BTLA: variants seen among roughly 807,000 people sequenced by gnomAD.
The protein encoded by BTLA is B- and T-lymphocyte attenuator.
Under a neutral mutation model 25.0 loss-of-function variants are expected in BTLA, and 11 were observed. The ratio of observed to expected loss-of-function variants is 0.44; its 90% confidence interval spans 0.28 to 0.73. The LOEUF (loss-of-function observed/expected upper bound fraction) is 0.73. BTLA is among the 30% of genes least tolerant of loss of function. The probability of loss-of-function intolerance (pLI) is 0.15; values close to 1 mark genes in which losing one functional copy is unlikely to be tolerated. For synonymous variants in BTLA, 104 were observed against 119.8 expected (o/e 0.87, Z 0.86); for missense variants, 282 against 332.8 (o/e 0.85, Z 1.19).
intron 4 of BTLA, among the ~76,000 whole-genome samples, chr3:112,468,075 A>G (rs2082239894): frequency 6.6e-6 from 1 of 152,250 alleles, no homozygotes; most frequent in Non-Finnish European, 1.5e-5. Context: ...TGTGGTGGAT[A>G]GAGATGATAA....
chr3:112,464,008 C>T lies in BTLA; in HGVS notation c.*2100G>A, dbSNP rs11717657. The T allele has an allele frequency of 8.4e-3, 3,298 of 394,344 alleles. 23 individuals carry two copies. Among genetic ancestry groups the T allele is most frequent in the Non-Finnish European group, 0.011 (2,531 of 223,436 alleles). The allele number at this position is 394,344 out of a possible 1,614,324, so 24.4% of individuals were successfully genotyped here. A position where few individuals can be genotyped will look rare whatever the true frequency, so the allele number is the denominator to read the frequency against. ...TTAATAACTTTACCTTCTCATTGAG[C>T]ACAATCACAAGCTTAAAATTTGTGA... is the stretch of plus-strand genomic sequence containing the variant. On this transcript the variant is annotated 3_prime_UTR_variant, in exon 5 of 5. Coordinates refer to ENST00000334529, the MANE Select transcript of BTLA (RefSeq NM_181780.4).
At chr3:112,477,643 T>G (rs952770908) in intron 2 of BTLA, among the ~76,000 whole-genome samples, 1 of 152,136 alleles carries the variant, frequency 6.6e-6, no homozygotes, top group Non-Finnish European at 1.5e-5. Context: ...ATTATGCTTT[T>G]GTAATCATAG....
At chr3:112,473,470 A>T (rs932609250) in intron 2 of BTLA, among the ~76,000 whole-genome samples, 1 of 152,126 alleles carries the variant, frequency 6.6e-6, no homozygotes, top group African/African-American at 2.4e-5. Flanking sequence ...TATCTCTGGC[A>T]CCTGGAATAA....
chr3:112,496,600 G>A (rs988400392), intron 1 of BTLA, among the ~76,000 whole-genome samples: 1 of 152,148 alleles, frequency 6.6e-6, no homozygotes, highest in Non-Finnish European at 1.5e-5. Flanking sequence ...AAGATATAAG[G>A]TATTTAATGT....
At chr3:112,499,012 T>C (rs2082426565) in intron 1 of BTLA, among the ~76,000 whole-genome samples, 1 of 152,244 alleles carries the variant, frequency 6.6e-6, no homozygotes, top group African/African-American at 2.4e-5. Flanking sequence ...TACTCAGTTC[T>C]CTTTTCCTAC....
intron 1 of BTLA, among the ~76,000 whole-genome samples, chr3:112,496,681 T>C (rs188075334): frequency 1.3e-5 from 2 of 152,318 alleles, no homozygotes; most frequent in Admixed American, 1.3e-4. Context: ...TCTCTTAACC[T>C]ATAGCTTTAA....
At position 112,465,195 on chromosome 3, in the gene BTLA, T is replaced by A. The variant is rs774798293; in HGVS notation, c.*913A>T. On this transcript the variant is annotated 3_prime_UTR_variant, in exon 5 of 5. Coordinates refer to ENST00000334529, the MANE Select transcript of BTLA (RefSeq NM_181780.4). ...AAGCAAATTGACCCCTACAGACCAA[T>A]TAAATATTCTGGGTTTTCCTCCATT... 6.6e-6 allele frequency: 1 copy of A among 152,638 alleles called. No homozygotes were observed. The highest frequency in any genetic ancestry group is 6.5e-5 in the Admixed American group (1 of 15,286). The allele number at this position is 152,638 out of a possible 1,614,324, so 9.5% of individuals were successfully genotyped here.
chr3:112,488,863 T>C (rs2705532), intron 1 of BTLA, among the ~76,000 whole-genome samples: 36,955 of 151,402 alleles, frequency 0.24, 8,064 homozygotes, highest in African/African-American at 0.58. Context: ...CCACCCGCCT[T>C]GGCCTCCCAA....
chr3:112,470,890 T>C (rs1289430221), intron 3 of BTLA, among the ~76,000 whole-genome samples: 9 of 152,296 alleles, frequency 5.9e-5, no homozygotes, highest in Admixed American at 2.6e-4. Context: ...CCAATCCTGT[T>C]AAGGTTTAGA....
intron 1 of BTLA, among the ~76,000 whole-genome samples, chr3:112,481,367 T>G (rs191052997): frequency 1.3e-5 from 2 of 152,338 alleles, no homozygotes; most frequent in African/African-American, 4.8e-5. Flanking sequence ...CCTCTTGCAT[T>G]CTGCTAGCCT....
At chr3:112,487,573 G>T (rs1055282346) in intron 1 of BTLA, among the ~76,000 whole-genome samples, 12 of 147,766 alleles carry the variant, frequency 8.1e-5, no homozygotes, top group African/African-American at 2.8e-4. Context: ...CAACAAGAGC[G>T]AAAATCTGTG....
chr3:112,473,097 C>T (rs1271457949), intron 2 of BTLA, among the ~76,000 whole-genome samples: 1 of 151,490 alleles, frequency 6.6e-6, no homozygotes, highest in Non-Finnish European at 1.5e-5. Context: ...TTCTCTATTT[C>T]AGAACAAACT....
At chr3:112,473,178 G>A (rs2082271936) in intron 2 of BTLA, among the ~76,000 whole-genome samples, 1 of 151,758 alleles carries the variant, frequency 6.6e-6, no homozygotes, top group African/African-American at 2.4e-5. Flanking sequence ...GAAATTGATT[G>A]AGAAAATGAT....
chr3:112,492,274 G>A (rs1195812679), intron 1 of BTLA, among the ~76,000 whole-genome samples: 3 of 152,186 alleles, frequency 2.0e-5, no homozygotes, highest in African/African-American at 7.2e-5. Context: ...TCAACTTAAT[G>A]AGTCCTAAAG....
chr3:112,483,982 AG>A (rs2082332513), intron 1 of BTLA, among the ~76,000 whole-genome samples: 1 of 149,576 alleles, frequency 6.7e-6, no homozygotes, highest in African/African-American at 2.5e-5. Flanking sequence ...AAAAAAAAAA[AG>A]ATACAAACAA....
At chr3:112,484,002 G>C (rs1406838497) in intron 1 of BTLA, among the ~76,000 whole-genome samples, 2 of 152,008 alleles carry the variant, frequency 1.3e-5, no homozygotes, top group East Asian at 3.9e-4. Context: ...AACTTTGCAT[G>C]GGTCTGCAGA....
At position 112,463,967 on chromosome 3, in the gene BTLA, T is replaced by G. The variant is rs2082210785; in HGVS notation, c.*2141A>C. ...TGGGGTACAAAATCAGATGCCAAATTGATTTCAAATAAGTTTTAATAACTT... is the reference window on the plus strand; with the variant it reads ...TGGGGTACAAAATCAGATGCCAAATGGATTTCAAATAAGTTTTAATAACTT... On this transcript the variant is annotated 3_prime_UTR_variant, in exon 5 of 5. Transcript: ENST00000334529. The G allele has an allele frequency of 2.6e-6, 1 of 387,366 alleles. No individual in the cohort carries two copies. Among genetic ancestry groups the G allele is most frequent in the Middle Eastern group, 6.5e-4 (1 of 1,532 alleles). The allele number at this position is 387,366 out of a possible 1,614,324, so 24.0% of individuals were successfully genotyped here. A position where few individuals can be genotyped will look rare whatever the true frequency, so the allele number is the denominator to read the frequency against.
At chr3:112,485,490 C>T (rs1036306366) in intron 1 of BTLA, among the ~76,000 whole-genome samples, 1 of 152,344 alleles carries the variant, frequency 6.6e-6, no homozygotes, top group East Asian at 1.9e-4. Flanking sequence ...AAATATTTCC[C>T]GAAGAGGAAT....
intron 1 of BTLA, among the ~76,000 whole-genome samples, chr3:112,488,297 C>T (rs557885612): frequency 1.0e-3 from 153 of 146,564 alleles, no homozygotes; most frequent in African/African-American, 3.4e-3. Context: ...GCGCAATCTC[C>T]GCTCACTGCA....
Sources: allele counts gnomAD v4.1 joint callset (sites outside exome capture counted in the v4.1 genomes callset), GRCh38; gene constraint gnomAD v4.1.1; transcripts MANE v1.5; gene names NCBI Gene and HGNC (gene_info 2026-07-23, HGNC 2026-07-21).